The following XPR1 variants were observed in gnomAD, a reference collection of about 807,000 sequenced individuals.
XPR1 encodes solute carrier family 53 member 1.
Under a neutral mutation model 87.5 loss-of-function variants are expected in XPR1, and 28 were observed. The ratio of observed to expected loss-of-function variants is 0.32; its 90% CI spans 0.24 to 0.44. The LOEUF (loss-of-function observed/expected upper bound fraction) is 0.44, where lower values mean the gene tolerates loss of function less well. XPR1 is among the 20% of genes least tolerant of loss of function. The probability of loss-of-function intolerance (pLI) is 1.00; values close to 1 mark genes in which losing one functional copy is unlikely to be tolerated. For missense variants in XPR1, 559 were observed against 862.3 expected, an observed-to-expected ratio of 0.65 and a Z score of 4.41; for synonymous variants, 300 against 306.1, an observed-to-expected ratio of 0.98 and a Z score of 0.21.
At chr1:180,874,075 A>C in intron 13 of XPR1, 133 bp downstream of exon 13, 1 of 1,143,048 alleles carries the variant, frequency 8.7e-7, no homozygotes, top group Non-Finnish European at 1.2e-6. Flanking sequence ...ATTTCTCCTC[A>C]GCCTTAGAAT....
intron 6 of XPR1, among the ~76,000 whole-genome samples, chr1:180,808,984 A>G (rs1220855633): frequency 2.0e-5 from 3 of 152,206 alleles, no homozygotes; most frequent in Non-Finnish European, 2.9e-5. Context: ...TTCTACACAA[A>G]TGTTCATAGC....
At chr1:180,668,660 T>G (rs1460558001) in intron 1 of XPR1, among the ~76,000 whole-genome samples, 1 of 152,244 alleles carries the variant, frequency 6.6e-6, no homozygotes, top group Non-Finnish European at 1.5e-5. Flanking sequence ...TCTTCTTTGA[T>G]CCATGAGTTA....
chr1:180,812,159 G>A (rs143128237), intron 7 of XPR1, among the ~76,000 whole-genome samples: 1 of 152,258 alleles, frequency 6.6e-6, no homozygotes, highest in East Asian at 1.9e-4. Context: ...ACCACACTCT[G>A]CTGGTTTTCC....
chr1:180,823,056 A>T (rs968808846), intron 7 of XPR1, among the ~76,000 whole-genome samples: 4 of 152,166 alleles, frequency 2.6e-5, no homozygotes, highest in Non-Finnish European at 5.9e-5. Context: ...CCTGGCCAAC[A>T]TGATGAAACC....
intron 13 of XPR1, 80 bp downstream of exon 13, chr1:180,874,022 A>C: frequency 1.4e-6 from 2 of 1,406,468 alleles, no homozygotes; most frequent in Non-Finnish European, 1.9e-6. Context: ...AGAATTTATT[A>C]TAACTTGTAC....
intron 1 of XPR1, among the ~76,000 whole-genome samples, chr1:180,665,595 C>T (rs1655928391): frequency 6.6e-6 from 1 of 152,186 alleles, no homozygotes; most frequent in Non-Finnish European, 1.5e-5. Flanking sequence ...ACTAAATGCT[C>T]CTTCCATGGG....
chr1:180,660,204 G>A (rs1655718642), intron 1 of XPR1, among the ~76,000 whole-genome samples: 1 of 151,982 alleles, frequency 6.6e-6, no homozygotes, highest in Non-Finnish European at 1.5e-5. Flanking sequence ...TGTGGTATTG[G>A]TTGTATCATC....
chr1:180,632,364 T>C, intron 1 of XPR1, 94 bp downstream of exon 1: 1 of 1,477,354 alleles, frequency 6.8e-7, no homozygotes, highest in Non-Finnish European at 9.3e-7. Context: ...GCTGGCTCCC[T>C]GTGCCCGGGC....
intron 2 of XPR1, among the ~76,000 whole-genome samples, chr1:180,685,890 T>G (rs933043425): frequency 4.5e-4 from 69 of 152,326 alleles, no homozygotes; most frequent in African/African-American, 1.6e-3. Context: ...TCTTCTTTAT[T>G]AGTCTTACTA....
chr1:180,683,044 C>T (rs1230106342), intron 2 of XPR1, among the ~76,000 whole-genome samples: 1 of 151,910 alleles, frequency 6.6e-6, no homozygotes, highest in Non-Finnish European at 1.5e-5. Flanking sequence ...CATATGTATA[C>T]ATGTGCCATG....
intron 11 of XPR1, among the ~76,000 whole-genome samples, chr1:180,855,496 C>A (rs1437049864): frequency 6.6e-6 from 1 of 152,006 alleles, no homozygotes; most frequent in African/African-American, 2.4e-5. Context: ...GAAACCTCGT[C>A]TCTACTAAAA....
At chr1:180,856,127 A>G (rs1314189591) in intron 11 of XPR1, among the ~76,000 whole-genome samples, 13 of 152,140 alleles carry the variant, frequency 8.5e-5, no homozygotes, top group Non-Finnish European at 1.6e-4. Context: ...ACAGTAATCT[A>G]TCTATTCTTA....
Position 180,806,470 on chromosome 1 carries a change from C to G in XPR1, c.598-4C>G. On this transcript the variant is annotated splice_polypyrimidine_tract_variant and splice_region_variant and intron_variant, in intron 5 of 14. Coordinates refer to ENST00000367590, the MANE Select transcript of XPR1 (RefSeq NM_004736.4). ...AACCAAAATGTAATAATTTGTCTTT[C>G]TAGGCTGTAGTGACCAATGAACTTG... The G allele has an allele frequency of 6.2e-7, 1 of 1,612,028 alleles. No homozygotes were observed.
intron 1 of XPR1, among the ~76,000 whole-genome samples, chr1:180,660,666 CTTG>C (rs946807581): frequency 1.3e-5 from 2 of 152,098 alleles, no homozygotes; most frequent in Non-Finnish European, 2.9e-5. Context: ...TAAAATTTCT[CTTG>C]TTATTGATTT....
At chr1:180,743,224 T>TTA (rs111485833) in intron 2 of XPR1, among the ~76,000 whole-genome samples, 5,743 of 149,410 alleles carry the variant, frequency 0.038, 391 homozygotes, top group African/African-American at 0.13. Flanking sequence ...CTTTTTTTTT[T>TTA]GGGGGGGGAG....
chr1:180,834,347 G>A (rs1651196349), intron 9 of XPR1, among the ~76,000 whole-genome samples: 1 of 152,070 alleles, frequency 6.6e-6, no homozygotes, highest in African/African-American at 2.4e-5. Flanking sequence ...CAAAGTGCTG[G>A]GATTACAGGT....
At chr1:180,761,138 T>C (rs533776179) in intron 2 of XPR1, among the ~76,000 whole-genome samples, 30 of 152,328 alleles carry the variant, frequency 2.0e-4, no homozygotes, top group East Asian at 5.8e-4. Flanking sequence ...AAGATTTAAA[T>C]GTTAGACCTA....
chr1:180,813,077 C>G (rs556437125), intron 7 of XPR1, among the ~76,000 whole-genome samples: 24 of 146,020 alleles, frequency 1.6e-4, no homozygotes, highest in Non-Finnish European at 3.2e-4. Flanking sequence ...TGTCACTCTC[C>G]TATTCAAAAT....
At chr1:180,646,661 A>G (rs149323449) in intron 1 of XPR1, among the ~76,000 whole-genome samples, 1 of 152,274 alleles carries the variant, frequency 6.6e-6, no homozygotes, top group African/African-American at 2.4e-5. Context: ...CCCCTATTCA[A>G]AGAAGCTCTC....
Sources: gnomAD v4.1 joint callset for allele counts (sites outside exome capture counted in the v4.1 genomes callset) on GRCh38, gnomAD v4.1.1 for gene constraint, MANE v1.5 for transcripts, NCBI Gene and HGNC (gene_info 2026-07-23, HGNC 2026-07-21) for gene names.